Variants in IMMP2L observed in about 807,000 individuals in gnomAD.
The protein encoded by IMMP2L is mitochondrial inner membrane protease subunit 2.
In IMMP2L, 18 loss-of-function variants were observed where a neutral mutation model predicts 19.3. That is an observed-to-expected ratio of 0.93 (90% CI 0.64 to 1.38). IMMP2L has a LOEUF of 1.38. Ranked by LOEUF, IMMP2L falls within the 40% of genes most tolerant of loss-of-function variation. IMMP2L has a pLI of 0.00. For synonymous variants in IMMP2L, 76 were observed against 73.0 expected, an observed-to-expected ratio of 1.04 and a Z score of -0.21; for missense variants, 233 against 218.2, an observed-to-expected ratio of 1.07 and a Z score of -0.43.
intron 5 of IMMP2L, among the ~76,000 whole-genome samples, chr7:110,762,008 C>T (rs188090553): frequency 6.3e-4 from 96 of 152,244 alleles, no homozygotes; most frequent in Non-Finnish European, 1.3e-3. Flanking sequence ...GACTGGGGTC[C>T]TAAAAGCAGA....
chr7:110,672,799 G>T (rs1427150184), intron 5 of IMMP2L, among the ~76,000 whole-genome samples: 1 of 152,180 alleles, frequency 6.6e-6, no homozygotes, highest in African/African-American at 2.4e-5. Context: ...GATGCAAGAG[G>T]TGAGCTCCAA....
chr7:110,850,400 G>A (rs143425138), intron 5 of IMMP2L, among the ~76,000 whole-genome samples: 2,337 of 152,170 alleles, frequency 0.015, 33 homozygotes, highest in South Asian at 0.044. Context: ...TTCTTTAAAA[G>A]TTTGAAATGA....
chr7:111,056,761 G>C (rs928471220), intron 3 of IMMP2L, among the ~76,000 whole-genome samples: 1 of 152,030 alleles, frequency 6.6e-6, no homozygotes, highest in Admixed American at 6.6e-5. Context: ...AAAATCATAA[G>C]GAAAAGAAAA....
intron 5 of IMMP2L, among the ~76,000 whole-genome samples, chr7:110,805,427 C>T (rs886688795): frequency 1.1e-4 from 17 of 152,090 alleles, no homozygotes; most frequent in African/African-American, 3.9e-4. Flanking sequence ...ATAATACAAT[C>T]TCTTTCATGG....
intron 5 of IMMP2L, among the ~76,000 whole-genome samples, chr7:110,859,365 G>A (rs1304324281): frequency 3.3e-5 from 5 of 151,986 alleles, no homozygotes; most frequent in East Asian, 1.9e-4. Flanking sequence ...TAGGAATTCC[G>A]ATAAAGACAG....
At chr7:111,451,619 G>C (rs1488763776) in intron 3 of IMMP2L, among the ~76,000 whole-genome samples, 7 of 148,632 alleles carry the variant, frequency 4.7e-5, no homozygotes, top group Non-Finnish European at 1.0e-4. Context: ...GCTAGATGAC[G>C]AGTTAGGGGG....
At chr7:111,153,604 T>A (rs905710987) in intron 3 of IMMP2L, among the ~76,000 whole-genome samples, 1 of 152,186 alleles carries the variant, frequency 6.6e-6, no homozygotes, top group Admixed American at 6.5e-5. Context: ...TCTTTACTTA[T>A]ACTGTACTTG....
At chr7:110,884,933 C>G (rs565218028) in intron 5 of IMMP2L, among the ~76,000 whole-genome samples, 1 of 152,090 alleles carries the variant, frequency 6.6e-6, no homozygotes, top group East Asian at 1.9e-4. Context: ...AACTCTAGCT[C>G]TATTACTGTA....
At chr7:110,922,718 G>A (rs1814422993) in intron 4 of IMMP2L, among the ~76,000 whole-genome samples, 1 of 152,090 alleles carries the variant, frequency 6.6e-6, no homozygotes, top group Non-Finnish European at 1.5e-5. Context: ...TACACATGAA[G>A]CTGAACTTAG....
At chr7:110,843,553 G>C (rs1490616386) in intron 5 of IMMP2L, among the ~76,000 whole-genome samples, 1 of 152,070 alleles carries the variant, frequency 6.6e-6, no homozygotes, top group Non-Finnish European at 1.5e-5. Context: ...ATATGTCTCA[G>C]GCATCATGCT....
At chr7:111,099,082 G>A (rs1797696883) in intron 3 of IMMP2L, among the ~76,000 whole-genome samples, 1 of 151,576 alleles carries the variant, frequency 6.6e-6, no homozygotes, top group Admixed American at 6.6e-5. Context: ...TCAATTCACA[G>A]CTAGACCTGT....
intron 4 of IMMP2L, among the ~76,000 whole-genome samples, chr7:110,889,304 A>T (rs758182726): frequency 7.9e-5 from 12 of 152,262 alleles, no homozygotes; most frequent in Middle Eastern, 3.4e-3. Flanking sequence ...ACAACTCACT[A>T]TAATGTGGAA....
intron 4 of IMMP2L, among the ~76,000 whole-genome samples, chr7:110,895,363 CT>C (rs1226980595): frequency 6.6e-6 from 1 of 152,126 alleles, no homozygotes; most frequent in African/African-American, 2.4e-5. Flanking sequence ...ATGGATGAGT[CT>C]TTTTCTAGAC....
At chr7:110,850,561 T>C (rs959951079) in intron 5 of IMMP2L, among the ~76,000 whole-genome samples, 1 of 152,074 alleles carries the variant, frequency 6.6e-6, no homozygotes, top group Non-Finnish European at 1.5e-5. Flanking sequence ...ACGGTACCAT[T>C]CAATTAAAGA....
At chr7:111,124,390 T>A (rs1801032926) in intron 3 of IMMP2L, 1 of 1,613,710 alleles carries the variant, frequency 6.2e-7, no homozygotes, top group African/African-American at 1.3e-5. Flanking sequence ...AGTTTTGGTG[T>A]CCTGGAAAGC....
At chr7:111,326,576 T>A (rs994233327) in intron 3 of IMMP2L, among the ~76,000 whole-genome samples, 4 of 151,736 alleles carry the variant, frequency 2.6e-5, no homozygotes, top group Middle Eastern at 3.2e-3. Flanking sequence ...AAATGGCCAA[T>A]AGGAATATGC....
chr7:110,853,537 C>T (rs1466714527), intron 5 of IMMP2L, among the ~76,000 whole-genome samples: 1 of 151,936 alleles, frequency 6.6e-6, no homozygotes, highest in African/African-American at 2.4e-5. Flanking sequence ...AAATGTGATG[C>T]CATTTTTCTA....
intron 3 of IMMP2L, among the ~76,000 whole-genome samples, chr7:111,031,544 G>A (rs187070220): frequency 2.4e-4 from 36 of 152,036 alleles, no homozygotes; most frequent in African/African-American, 8.2e-4. Flanking sequence ...AACAAAAAGT[G>A]TAAAATAAAT....
chr7:110,962,997 C>A, intron 4 of IMMP2L: 1 of 1,495,972 alleles, frequency 6.7e-7, no homozygotes, highest in South Asian at 1.3e-5. Context: ...GCTGCTTAAA[C>A]ACCTGATTGT....
Sources: allele counts gnomAD v4.1 joint callset (sites outside exome capture counted in the v4.1 genomes callset), GRCh38; gene constraint gnomAD v4.1.1; transcripts MANE v1.5; gene names NCBI Gene and HGNC (gene_info 2026-07-23, HGNC 2026-07-21).